ADGRV1: variants seen among roughly 807,000 people sequenced by gnomAD.
The protein encoded by ADGRV1 is G-protein coupled receptor 98.
Under a neutral mutation model 596.2 loss-of-function variants are expected in ADGRV1, and 359 were observed. The observed-to-expected ratio is 0.60, with a 90% CI of 0.55 to 0.66. The LOEUF (loss-of-function observed/expected upper bound fraction) is 0.66, where lower values mean the gene tolerates loss of function less well. ADGRV1 is among the 30% of genes least tolerant of loss of function. The probability of loss-of-function intolerance (pLI) is 0.00; values close to 1 mark genes in which losing one functional copy is unlikely to be tolerated. For synonymous variants in ADGRV1, 2,681 were observed against 2,679.2 expected, an observed-to-expected ratio of 1.00 and a Z score of -0.02; for missense variants, 7,274 against 7,575.6, an observed-to-expected ratio of 0.96 and a Z score of 1.48.
chr5:91,018,851 A>G (rs1420821562), intron 85 of ADGRV1, among the ~76,000 whole-genome samples: 1 of 151,998 alleles, frequency 6.6e-6, no homozygotes, highest in Admixed American at 6.6e-5. Flanking sequence ...ACTGGCTTCA[A>G]TCATTGCTGA....
chr5:90,589,076 A>G (rs2151991009), intron 1 of ADGRV1, among the ~76,000 whole-genome samples: 2 of 152,296 alleles, frequency 1.3e-5, no homozygotes, highest in East Asian at 3.9e-4. Flanking sequence ...TTTAAAGGCA[A>G]TTGATTAGCC....
chr5:91,042,611 G>A (rs1287404134), intron 85 of ADGRV1, among the ~76,000 whole-genome samples: 2 of 151,992 alleles, frequency 1.3e-5, no homozygotes, highest in Non-Finnish European at 2.9e-5. Context: ...AGGTGTACAC[G>A]TGCCATGGTG....
At chr5:90,879,631 A>T (rs561242507) in intron 83 of ADGRV1, among the ~76,000 whole-genome samples, 1 of 151,862 alleles carries the variant, frequency 6.6e-6, no homozygotes, top group South Asian at 2.1e-4. Context: ...GGTAAGGCGT[A>T]TGTTTAATTT....
chr5:90,569,353 T>TGATA (rs1756083809), intron 1 of ADGRV1, among the ~76,000 whole-genome samples: 8 of 79,376 alleles, frequency 1.0e-4, no homozygotes, highest in Non-Finnish European at 1.7e-4. Flanking sequence ...TCTGTTTGCA[T>TGATA]GATATATATA....
chr5:90,815,705 T>C lies in ADGRV1; in HGVS notation c.16165T>C (p.Leu5389=), dbSNP rs1451740883. 3 of 1,566,404 alleles carry C rather than the reference T, an allele frequency of 1.9e-6. No individual in the cohort carries two copies. The highest frequency in any genetic ancestry group is 4.7e-5 in the East Asian group (2 of 42,898). The change falls in exon 75 of 90, where the codon TTG becomes CTG. Residue 5389 remains leucine, a synonymous_variant. Transcript: ENST00000405460. Reference sequence around the variant, plus strand: ...CAGGGAAGGAGCTGTTATGAGAAGATTGCACCTTATTGTCACAAGACAGCC... The same window carrying C: ...CAGGGAAGGAGCTGTTATGAGAAGACTGCACCTTATTGTCACAAGACAGCC... ...ELREGAVMRR[L]HLIVTRQPNR...
intron 85 of ADGRV1, among the ~76,000 whole-genome samples, chr5:91,007,282 A>G (rs1782356313): frequency 6.6e-6 from 1 of 152,242 alleles, no homozygotes; most frequent in Non-Finnish European, 1.5e-5. Flanking sequence ...CTGGTTCATT[A>G]CAAGAAAGAC....
intron 83 of ADGRV1, 39 bp downstream of exon 83, chr5:90,863,896 T>C: frequency 7.9e-7 from 1 of 1,259,504 alleles, no homozygotes; most frequent in Non-Finnish European, 1.2e-6. Flanking sequence ...TCGTGAGATG[T>C]TTGTGTTTCT....
chr5:90,920,757 A>G (rs896044871), intron 83 of ADGRV1, among the ~76,000 whole-genome samples: 8 of 152,186 alleles, frequency 5.3e-5, no homozygotes, highest in Admixed American at 5.2e-4. Context: ...AATGTTTAGA[A>G]TGTAAATGTG....
rs925364527 is a variant in ADGRV1, at chr5:90,681,343, A to T, written c.5553A>T (p.Leu1851=). The change falls in exon 27 of 90, where the codon CTA becomes CTT. Residue 1851 remains leucine (L), a synonymous_variant. Transcript: ENST00000405460. ...RASLGVASQI[L]VTIAASDHAH... is the part of the protein sequence containing the mutation. ...GTCTAGGAGTGGCTTCCCAAATTCT[A>T]GTGACAATTGCAGCCTCTGACCACG... 3.1e-6 allele frequency: 5 copies of T among 1,613,724 alleles called. No individual in the cohort carries two copies. The African/African-American group carries it at 5.3e-5, about 17-fold the overall frequency.
chr5:91,118,210 G>T (rs1422780691), intron 87 of ADGRV1, among the ~76,000 whole-genome samples: 1 of 152,038 alleles, frequency 6.6e-6, no homozygotes, highest in African/African-American at 2.4e-5. Flanking sequence ...TGTACAAGGT[G>T]GGGAGAGCAT....
intron 78 of ADGRV1, among the ~76,000 whole-genome samples, chr5:90,845,663 C>A (rs1284488692): frequency 6.6e-6 from 1 of 151,870 alleles, no homozygotes; most frequent in African/African-American, 2.4e-5. Flanking sequence ...GGTGTTGTCT[C>A]TTTTTCTAAT....
At chr5:90,713,693 G>A (rs1209456050) in intron 42 of ADGRV1, among the ~76,000 whole-genome samples, 2 of 152,110 alleles carry the variant, frequency 1.3e-5, no homozygotes, top group Non-Finnish European at 2.9e-5. Flanking sequence ...TCATAAGATG[G>A]TGATCAGGAC....
chr5:91,087,567 G>T (rs1396567963), intron 86 of ADGRV1, among the ~76,000 whole-genome samples: 2 of 152,056 alleles, frequency 1.3e-5, no homozygotes, highest in Non-Finnish European at 2.9e-5. Context: ...CTCCCGAAGT[G>T]AATGTATATA....
chr5:91,140,882 A>G (rs1014292555), intron 87 of ADGRV1, among the ~76,000 whole-genome samples: 1 of 152,242 alleles, frequency 6.6e-6, no homozygotes, highest in African/African-American at 2.4e-5. Flanking sequence ...TGAGAGTCTC[A>G]GAGACAAAGC....
chr5:91,149,921 T>C (rs1411162419), intron 87 of ADGRV1, 109 bp from the exon 88 acceptor site: 3 of 789,952 alleles, frequency 3.8e-6, no homozygotes, highest in African/African-American at 3.5e-5. Context: ...AGCATGAGAA[T>C]GGACCAATAC....
chr5:90,736,840 G>C (rs1753287852), intron 50 of ADGRV1, among the ~76,000 whole-genome samples: 1 of 150,862 alleles, frequency 6.6e-6, no homozygotes, highest in Non-Finnish European at 1.5e-5. Context: ...TTCTGATTTT[G>C]TTTGAATCTG....
chr5:90,815,829 A>T, intron 75 of ADGRV1, 93 bp downstream of exon 75: 1 of 748,910 alleles, frequency 1.3e-6, no homozygotes, highest in Non-Finnish European at 2.3e-6. Context: ...GCAGGGTAAG[A>T]TAGAAGGAGG....
chr5:90,596,574 G>T (rs1156753516), intron 1 of ADGRV1, among the ~76,000 whole-genome samples: 2 of 152,130 alleles, frequency 1.3e-5, no homozygotes, highest in African/African-American at 4.8e-5. Flanking sequence ...GATCACTCGT[G>T]GTTAGGAGCT....
At chr5:91,010,361 G>T (rs895846036) in intron 85 of ADGRV1, among the ~76,000 whole-genome samples, 7 of 152,150 alleles carry the variant, frequency 4.6e-5, no homozygotes, top group East Asian at 3.9e-4. Context: ...ATACACAAAG[G>T]CTATGTTAAA....
Sources: gnomAD v4.1 joint callset for allele counts (sites outside exome capture counted in the v4.1 genomes callset) on GRCh38, gnomAD v4.1.1 for gene constraint, MANE v1.5 for transcripts, NCBI Gene and HGNC (gene_info 2026-07-23, HGNC 2026-07-21) for gene names.